Variants in SCG2 observed in about 807,000 individuals in gnomAD.
The protein encoded by SCG2 is secretogranin II, also known as secretogranin-2.
SCG2 carries 23 observed loss-of-function variants against 49.5 expected under a neutral mutation model. The ratio of observed to expected loss-of-function variants is 0.46; its 90% CI spans 0.33 to 0.66. The LOEUF (loss-of-function observed/expected upper bound fraction) is 0.66, where lower values mean the gene tolerates loss of function less well. Ranked by LOEUF, SCG2 falls within the 30% of genes least tolerant of loss-of-function variation. SCG2 has a pLI of 0.01. For synonymous variants in SCG2, 288 were observed against 260.4 expected, an observed-to-expected ratio of 1.11 and a Z score of -1.02; for missense variants, 730 against 728.2, an observed-to-expected ratio of 1.00 and a Z score of -0.03.
rs1256455081 is a variant in SCG2 at position 223,597,511 on chromosome 2, A to T, written c.1772T>A (p.Met591Lys). 1 of 1,613,986 alleles carries T rather than the reference A, an allele frequency of 6.2e-7. No individual in the cohort carries two copies. Among genetic ancestry groups the T allele is most frequent in the South Asian group, 1.1e-5 (1 of 91,066 alleles). Residue 591 changes from methionine to lysine, a missense_variant, in exon 2 of 2, where the codon ATG becomes AAG. Coordinates refer to ENST00000305409, the MANE Select transcript of SCG2 (RefSeq NM_003469.5). ...TTGGTTGAGGTATTCCAGCACTTTC[A>T]TTAACAGATCTTCATCCCAGTACTG... ...NRQYWDEDLL[M>K]KVLEYLNQEK...
At position 223,597,758 on chromosome 2, in the gene SCG2, C is replaced by G. The variant is rs1313640012; in HGVS notation, c.1525G>C (p.Ala509Pro). Residue 509 changes from alanine (A) to proline (P), a missense_variant, in exon 2 of 2, where the codon GCC (alanine) becomes CCC (proline). Coordinates refer to ENST00000305409, the MANE Select transcript of SCG2 (RefSeq NM_003469.5). ...DKDQELGEYLARMLVKYPEII... is the reference protein window; with the variant it reads ...DKDQELGEYLPRMLVKYPEII... ...TCAGGGTATTTAACTAGCATCCTGG[C>G]CAAGTACTCACCTAATTCTTGATCC... 1.2e-6 allele frequency: 2 copies of G among 1,614,108 alleles called. No individual in the cohort carries two copies. Among genetic ancestry groups the G allele is most frequent in the Admixed American group, 1.7e-5 (1 of 60,022 alleles).
chr2:223,597,653 C>T lies in SCG2; in HGVS notation c.1630G>A (p.Glu544Lys), dbSNP rs749524622. 1.7e-5 allele frequency: 27 copies of T among 1,613,988 alleles called. No individual in the cohort carries two copies. The highest frequency in any genetic ancestry group is 2.1e-5 in the Non-Finnish European group (25 of 1,180,012). ...TTCAAATGCTCTTTGATGGCCTGCT[C>T]AATTTGTTCCTCTTCCTGCAGGTCA... ...EDDLQEEEQI[E>K]QAIKEHLNQG... The change falls in exon 2 of 2, where the codon GAG (glutamate) becomes AAG (lysine). Residue 544 changes from glutamate to lysine, a missense_variant. Glu to Lys is a moderately conservative substitution (Grantham distance 56). Coordinates refer to ENST00000305409, the MANE Select transcript of SCG2 (RefSeq NM_003469.5).
Position 223,597,865 on chromosome 2 carries a change from G to T in SCG2, c.1418C>A (p.Ser473Tyr). The change falls in exon 2 of 2, where the codon TCT (serine) becomes TAT (tyrosine). Residue 473 changes from serine (S) to tyrosine (Y), a missense_variant. Coordinates refer to ENST00000305409, the MANE Select transcript of SCG2 (RefSeq NM_003469.5). ...AGCTTTGGGAAGCTGGTTCGATCTA[G>T]ATCTTCCAGCACCATAAGGGAGCCT... ...LPRLPYGAGR[S>Y]RSNQLPKAAW... is the part of the protein sequence containing the mutation. 3 of 1,614,152 alleles carry T rather than the reference G, an allele frequency of 1.9e-6. No individual in the cohort carries two copies. Among genetic ancestry groups the T allele is most frequent in the Non-Finnish European group, 2.5e-6 (3 of 1,180,026 alleles).
In SCG2 at chr2:223,598,298, C is replaced by T. The variant is rs199696094; in HGVS notation, c.985G>A (p.Gly329Arg). 2 of 1,614,096 alleles carry T rather than the reference C, an allele frequency of 1.2e-6. No individual in the cohort carries two copies. The highest frequency in any genetic ancestry group is 1.7e-6 in the Non-Finnish European group (2 of 1,180,036). The change falls in exon 2 of 2, where the codon GGG becomes AGG. Residue 329 changes from glycine to arginine, a missense_variant. Transcript: ENST00000305409. ...NAAGSGRLQN[G>R]QNGERATRLF... ...CTGGTGGCCCTTTCCCCATTTTGCC[C>T]ATTCTGTAACCTCCCACTTCCTGCA... is the stretch of plus-strand genomic sequence containing the variant.
intron 1 of SCG2, among the ~76,000 whole-genome samples, chr2:223,600,042 C>T (rs760851196): frequency 6.6e-6 from 1 of 152,130 alleles, no homozygotes; most frequent in African/African-American, 2.4e-5. Flanking sequence ...TTTGTGTGAA[C>T]GTGCTAAACC....
Position 223,598,515 on chromosome 2 carries a change from T to G in SCG2, c.768A>C (p.Lys256Asn), listed in dbSNP as rs779426254. 6.2e-6 allele frequency: 10 copies of G among 1,614,026 alleles called. No individual in the cohort carries two copies. The highest frequency in any genetic ancestry group is 8.5e-6 in the Non-Finnish European group (10 of 1,180,030). The change falls in exon 2 of 2, where the codon AAA becomes AAC. Residue 256 changes from lysine to asparagine, a missense_variant. Lys to Asn is a moderately conservative substitution (Grantham distance 94). Transcript: ENST00000305409. Reference sequence around the variant, plus strand: ...CCTCTTCCTGGGTTTGACTCTCTATTTTCTCCTCTACTGGGTTCCAGTCTT... The same window carrying G: ...CCTCTTCCTGGGTTTGACTCTCTATGTTCTCCTCTACTGGGTTCCAGTCTT... Reference protein sequence around the residue: ...GGEDWNPVEEKIESQTQEEVR... With the variant: ...GGEDWNPVEENIESQTQEEVR...
chr2:223,598,887 A>C lies in SCG2; in HGVS notation c.396T>G (p.Asn132Lys), dbSNP rs770476984. ...ENEPQSAPKENKPYALNSEKN... is the reference protein window; with the variant it reads ...ENEPQSAPKEKKPYALNSEKN... ...TTTCTGAATTCAAGGCATAGGGCTT[A>C]TTTTCTTTTGGTGCAGACTGAGGCT... Residue 132 changes from asparagine (N) to lysine (K), a missense_variant, in exon 2 of 2, where the codon AAT (asparagine) becomes AAG (lysine). By Grantham distance (94) the Asn-to-Lys change is moderately conservative. Transcript: ENST00000305409. The C allele has an allele frequency of 1.9e-6, 3 of 1,613,900 alleles. No individual in the cohort carries two copies. In the Admixed American group the frequency reaches 5.0e-5, roughly 27 times the overall value.
rs2106114160 is a variant in SCG2, at chr2:223,598,458, AT to A, written c.824del (p.Asn275MetfsTer8). The A allele has an allele frequency of 1.2e-6, 2 of 1,613,588 alleles. No individual in the cohort carries two copies. Among genetic ancestry groups the A allele is most frequent in the Non-Finnish European group, 8.5e-7 (1 of 1,179,920 alleles). ...GTTTCATCTCATCGTTGATTTGTTC[AT>A]TTTTTTCTATATTCTCTTTGCTGTC... ...VRDSKENIEK[N>X]EQINDEMKRS... On this transcript the variant is annotated frameshift_variant, in exon 2 of 2. Transcript: ENST00000305409. LOFTEE classifies it high-confidence loss of function.
At position 223,598,426 on chromosome 2, in the gene SCG2, C is replaced by CCT; in HGVS notation, c.855_856dup (p.Gly286GlufsTer26). 1 of 1,614,056 alleles carries CCT rather than the reference C, an allele frequency of 6.2e-7. No individual in the cohort carries two copies. The highest frequency in any genetic ancestry group is 8.5e-7 in the Non-Finnish European group (1 of 1,180,022). On this transcript the variant is annotated frameshift_variant, in exon 2 of 2. Coordinates refer to ENST00000305409, the MANE Select transcript of SCG2 (RefSeq NM_003469.5). LOFTEE classifies it high-confidence loss of function. ...ATCTTCTTCCTGGATGCCAAGCTGC[C>CCT]CTGAGCGTTTCATCTCATCGTTGAT...
Position 223,598,986 on chromosome 2 carries a change from C to G in SCG2, c.297G>C (p.Leu99Phe), listed in dbSNP as rs370635495. Residue 99 changes from leucine (L) to phenylalanine (F), a missense_variant, in exon 2 of 2, where the codon TTG becomes TTC. By Grantham distance (22) the Leu-to-Phe change is conservative (BLOSUM62 0). Transcript: ENST00000305409. ...QQKENGDESH[L>F]PERDSLSEED... ...CTTCACTCAGTGAATCCCTCTCGGG[C>G]AAGTGGCTTTCATCGCCATTTTCTT... is the stretch of plus-strand genomic sequence containing the variant. 1.2e-6 allele frequency: 2 copies of G among 1,614,076 alleles called. No individual in the cohort carries two copies. Among genetic ancestry groups the G allele is most frequent in the African/African-American group, 1.3e-5 (1 of 74,910 alleles).
intron 1 of SCG2, among the ~76,000 whole-genome samples, chr2:223,599,946 A>T (rs1691364894): frequency 6.6e-6 from 1 of 152,192 alleles, no homozygotes; most frequent in East Asian, 1.9e-4. Context: ...TCTCAATCTG[A>T]TACCGAATCC....
chr2:223,597,258 A>G lies in SCG2; in HGVS notation c.*171T>C, dbSNP rs1691310226. On this transcript the variant is annotated 3_prime_UTR_variant, in exon 2 of 2. Coordinates refer to ENST00000305409, the MANE Select transcript of SCG2 (RefSeq NM_003469.5). Reference sequence around the variant, plus strand: ...ACATTTACACATATCCATACACAAGATAACAGCTCAGAGGAAATGAAGCAG... The same window carrying G: ...ACATTTACACATATCCATACACAAGGTAACAGCTCAGAGGAAATGAAGCAG... 1.4e-6 allele frequency: 1 copy of G among 717,976 alleles called. No individual in the cohort carries two copies. Among genetic ancestry groups the G allele is most frequent in the Admixed American group, 3.3e-5 (1 of 30,092 alleles). 44.5% of individuals were successfully genotyped at this position (717,976 alleles called of 1,614,324 possible).
chr2:223,601,081 C>A (rs577408298), intron 1 of SCG2, among the ~76,000 whole-genome samples: 1 of 152,236 alleles, frequency 6.6e-6, no homozygotes, highest in South Asian at 2.1e-4. Context: ...TATCTTGGAA[C>A]TGCACTTTGC....
chr2:223,600,946 T>C (rs1389369253), intron 1 of SCG2, among the ~76,000 whole-genome samples: 3 of 152,318 alleles, frequency 2.0e-5, no homozygotes, highest in East Asian at 3.9e-4. Context: ...GTAGCTTTGG[T>C]AATCAACTTT....
Position 223,599,191 on chromosome 2 carries a change from T to C in SCG2, c.92A>G (p.Gln31Arg). 1.2e-6 allele frequency: 2 copies of C among 1,613,832 alleles called. No individual in the cohort carries two copies. Among genetic ancestry groups the C allele is most frequent in the African/African-American group, 2.7e-5 (2 of 75,028 alleles). The change falls in exon 2 of 2, where the codon CAG (glutamine) becomes CGG (arginine). Residue 31 changes from glutamine to arginine, a missense_variant. By Grantham distance (43) the Gln-to-Arg change is conservative (BLOSUM62 1). Coordinates refer to ENST00000305409, the MANE Select transcript of SCG2 (RefSeq NM_003469.5). ...LISGAEAASF[Q>R]RNQLLQKEPD... ...TTCTTTCTGAAGCAGCTGGTTTCTC[T>C]GAAATGAAGCTGCTTCAGCCCCAGA...
At position 223,597,600 on chromosome 2, in the gene SCG2, C is replaced by T; in HGVS notation, c.1683G>A (p.Lys561=). 1 of 1,614,112 alleles carries T rather than the reference C, an allele frequency of 6.2e-7. No individual in the cohort carries two copies. The highest frequency in any genetic ancestry group is 2.2e-5 in the East Asian group (1 of 44,888). ...LNQGSSQETD[K]LAPVSKRFPV... Reference sequence around the variant, plus strand: ...GGAACCTTTTGCTCACCGGGGCCAGCTTGTCAGTCTCCTGAGAGCTGCCTT... The same window carrying T: ...GGAACCTTTTGCTCACCGGGGCCAGTTTGTCAGTCTCCTGAGAGCTGCCTT... The change falls in exon 2 of 2, where the codon AAG becomes AAA. Residue 561 remains lysine (K), a synonymous_variant. Transcript: ENST00000305409.
chr2:223,599,004 A>G lies in SCG2; in HGVS notation c.279T>C (p.Asn93=), dbSNP rs767397925. The G allele has an allele frequency of 1.2e-6, 2 of 1,614,018 alleles. No individual in the cohort carries two copies. The highest frequency in any genetic ancestry group is 1.7e-6 in the Non-Finnish European group (2 of 1,180,010). The change falls in exon 2 of 2, where the codon AAT becomes AAC. Residue 93 remains asparagine (N), a synonymous_variant. Transcript: ENST00000305409. ...GVSVPLQQKE[N]GDESHLPERD... is the part of the protein sequence containing the mutation. ...TCTCGGGCAAGTGGCTTTCATCGCC[A>G]TTTTCTTTTTGCTGAAGGGGGACAG...
rs751656816 is a variant in SCG2 at position 223,598,181 on chromosome 2, T to C, written c.1102A>G (p.Met368Val). The C allele has an allele frequency of 1.5e-5, 24 of 1,613,990 alleles. No homozygotes were observed. Among genetic ancestry groups the C allele is most frequent in the Admixed American group, 3.3e-5 (2 of 59,980 alleles). Reference protein sequence around the residue: ...LQIPPEDLIEMLKTGEKPNGS... With the variant: ...LQIPPEDLIEVLKTGEKPNGS... ...TTCGGCTTCTCCCCAGTTTTGAGCA[T>C]CTCAATTAAGTCTTCTGGGGGTATC... The change falls in exon 2 of 2, where the codon ATG becomes GTG. Residue 368 changes from methionine to valine, a missense_variant. By Grantham distance (21) the Met-to-Val change is conservative (BLOSUM62 1). Coordinates refer to ENST00000305409, the MANE Select transcript of SCG2 (RefSeq NM_003469.5).
chr2:223,599,200 G>T lies in SCG2; in HGVS notation c.83C>A (p.Ala28Asp), dbSNP rs780517947. 6.2e-7 allele frequency: 1 copy of T among 1,613,610 alleles called. No individual in the cohort carries two copies. The highest frequency in any genetic ancestry group is 1.1e-5 in the South Asian group (1 of 91,074). The change falls in exon 2 of 2, where the codon GCT becomes GAT. Residue 28 changes from alanine (A) to aspartate (D), a missense_variant. By Grantham distance (126) the Ala-to-Asp change is moderately radical. Transcript: ENST00000305409. ...AAGCAGCTGGTTTCTCTGAAATGAA[G>T]CTGCTTCAGCCCCAGAGATGAGGAA... ...LIFLISGAEA[A>D]SFQRNQLLQK...
Sources: allele counts gnomAD v4.1 joint callset (sites outside exome capture counted in the v4.1 genomes callset), GRCh38; gene constraint gnomAD v4.1.1; transcripts MANE v1.5; gene names NCBI Gene and HGNC (gene_info 2026-07-23, HGNC 2026-07-21).